Variants in ZNF875 observed in about 807,000 individuals in gnomAD.
The protein encoded by ZNF875 is HKR1, GLI-Kruppel zinc finger family member.
ZNF875 carries 14 observed loss-of-function variants against 11.2 expected under a neutral mutation model. The ratio of observed to expected loss-of-function variants is 1.26; its 90% CI spans 0.83 to 1.96. ZNF875 has a LOEUF of 1.96. Ranked by LOEUF, ZNF875 falls within the 30% of genes most tolerant of loss-of-function variation. The pLI, the probability that ZNF875 is intolerant of heterozygous loss-of-function variation, is 0.00. For synonymous variants in ZNF875, 301 were observed against 281.1 expected (o/e 1.07, Z -0.71); for missense variants, 752 against 760.4 (o/e 0.99, Z 0.13).
intron 2 of ZNF875, among the ~76,000 whole-genome samples, chr19:37,338,296 T>C (rs1318040556): frequency 6.6e-6 from 1 of 152,178 alleles, no homozygotes; most frequent in African/African-American, 2.4e-5. Context: ...CTAATTTTTA[T>C]GTTTTTAGTA....
At position 37,347,784 on chromosome 19, in the gene ZNF875, A is replaced by G. The variant is rs746882660; in HGVS notation, c.168A>G (p.Pro56=). The change falls in exon 4 of 5, where the codon CCA becomes CCG. Residue 56 remains proline, a synonymous_variant. Coordinates refer to ENST00000392153, the MANE Select transcript of ZNF875 (RefSeq NM_001353803.2). ...TTTCTTCCCTATGAACAGAAATTCCATCTTCTAAACCAAAACTCATTGCTC... is the reference window on the plus strand; with the variant it reads ...TTTCTTCCCTATGAACAGAAATTCCGTCTTCTAAACCAAAACTCATTGCTC... ...TYNHLVSLEI[P]SSKPKLIAQL... 8.1e-6 allele frequency: 13 copies of G among 1,610,794 alleles called. No individual in the cohort carries two copies. In the Admixed American group the frequency reaches 1.0e-4, roughly 12 times the overall value.
At chr19:37,347,899 G>A (rs372874887) in intron 4 of ZNF875, 27 bp downstream of exon 4, 38 of 1,310,400 alleles carry the variant, frequency 2.9e-5, no homozygotes, top group Non-Finnish European at 4.0e-5. Flanking sequence ...GGGTAGACGG[G>A]ATAATCCACA....
intron 3 of ZNF875, 175 bp from the exon 4 acceptor site, chr19:37,347,602 T>C (rs2037056832): frequency 1.6e-6 from 1 of 615,136 alleles, no homozygotes; most frequent in Non-Finnish European, 2.9e-6. Flanking sequence ...GTTCATAATA[T>C]GCCATCTTTC....
chr19:37,326,663 G>GTT (rs1568566906), intron 4 of ZNF875, among the ~76,000 whole-genome samples: 1 of 110,890 alleles, frequency 9.0e-6, no homozygotes, highest in Admixed American at 1.0e-4. Context: ...AAATTAGAAA[G>GTT]CTTTTTTTTT....
chr19:37,337,468 T>A (rs1241457556), intron 2 of ZNF875: 1 of 152,216 alleles, frequency 6.6e-6, no homozygotes, highest in Non-Finnish European at 1.5e-5. Flanking sequence ...GTTCTTCTTT[T>A]TTTTGAAACG....
At chr19:37,360,574 CCCTA>C (rs1265153520) in intron 4 of ZNF875, among the ~76,000 whole-genome samples, 4 of 152,250 alleles carry the variant, frequency 2.6e-5, no homozygotes, top group African/African-American at 9.6e-5. Flanking sequence ...ATGACTGTCT[CCCTA>C]TTTATTTGGA....
chr19:37,341,596 AGTC>A (rs766401718), intron 2 of ZNF875, among the ~76,000 whole-genome samples: 28 of 152,164 alleles, frequency 1.8e-4, no homozygotes, highest in Non-Finnish European at 3.1e-4. Context: ...CCAAGTCCAG[AGTC>A]GTCATAGAAC....
intron 2 of ZNF875, chr19:37,337,671 C>G (rs2034776884): frequency 6.6e-6 from 1 of 152,168 alleles, no homozygotes; most frequent in East Asian, 1.9e-4. Context: ...TCTTGAACTC[C>G]TGACCTGGTG....
chr19:37,352,007 G>A (rs374572837), intron 4 of ZNF875, among the ~76,000 whole-genome samples: 5 of 152,296 alleles, frequency 3.3e-5, no homozygotes, highest in African/African-American at 1.2e-4. Context: ...GCAAAGGTGT[G>A]TTAACATATC....
upstream of ZNF875, among the ~76,000 whole-genome samples, chr19:37,331,108 A>C: frequency 6.9e-6 from 1 of 143,996 alleles, no homozygotes; most frequent in East Asian, 2.2e-4. Flanking sequence ...AATGGCGTGA[A>C]CCTGGGAGGC....
chr19:37,353,127 G>C (rs2038230655), intron 4 of ZNF875, among the ~76,000 whole-genome samples: 1 of 152,122 alleles, frequency 6.6e-6, no homozygotes, highest in South Asian at 2.1e-4. Context: ...GCCTGCCTCA[G>C]CCTCCCAAAG....
chr19:37,321,078 T>A (rs1385879877), intron 1 of ZNF875, among the ~76,000 whole-genome samples: 1 of 152,116 alleles, frequency 6.6e-6, no homozygotes, highest in East Asian at 1.9e-4. Flanking sequence ...CACAAAACAC[T>A]GTGTAAGGCC....
chr19:37,361,853 GT>G (rs1445282713), intron 4 of ZNF875: 2 of 390,634 alleles, frequency 5.1e-6, no homozygotes, highest in Non-Finnish European at 4.6e-6. Flanking sequence ...GGAGGCGGAG[GT>G]TGCAGTGAGC....
intron 4 of ZNF875, chr19:37,359,481 G>A (rs2039536620): frequency 1.7e-5 from 5 of 293,078 alleles, no homozygotes; most frequent in Non-Finnish European, 2.8e-5. Flanking sequence ...TCGGCTCACT[G>A]CAACCTCTGC....
In ZNF875 at chr19:37,363,483, G is replaced by C; in HGVS notation, c.1631G>C (p.Arg544Pro). ...TGCAGGGAGTGTGGCAGAAGGTTTCGGCAGAAGCCTAACCTGTTTAGGCAC... is the reference window on the plus strand; with the variant it reads ...TGCAGGGAGTGTGGCAGAAGGTTTCCGCAGAAGCCTAACCTGTTTAGGCAC... ...FMCRECGRRF[R>P]QKPNLFRHKR... is the part of the protein sequence containing the mutation. The change falls in exon 5 of 5, where the codon CGG becomes CCG. Residue 544 changes from arginine (R) to proline (P), a missense_variant. By Grantham distance (103) the Arg-to-Pro change is moderately radical. Transcript: ENST00000392153. 1.2e-6 allele frequency: 2 copies of C among 1,613,562 alleles called. No homozygotes were observed. Among genetic ancestry groups the C allele is most frequent in the South Asian group, 1.1e-5 (1 of 91,036 alleles).
At position 37,362,449 on chromosome 19, in the gene ZNF875, G is replaced by T. The variant is rs1257599573; in HGVS notation, c.597G>T (p.Gly199=). 6.2e-7 allele frequency: 1 copy of T among 1,614,170 alleles called. No homozygotes were observed. ...AAGACAACACAGTGGTGGATATAGG[G>T]TCCAGCCCTGAACGGAGGGCAGATC... ...SKEDNTVVDI[G]SSPERRADLE... is the part of the protein sequence containing the mutation. The change falls in exon 5 of 5, where the codon GGG becomes GGT. Residue 199 remains glycine, a synonymous_variant. Coordinates refer to ENST00000392153, the MANE Select transcript of ZNF875 (RefSeq NM_001353803.2).
At chr19:37,336,361 G>T (rs570143201) in intron 2 of ZNF875, among the ~76,000 whole-genome samples, 1 of 148,270 alleles carries the variant, frequency 6.7e-6, no homozygotes, top group African/African-American at 2.5e-5. Flanking sequence ...GTGCAGTGGC[G>T]CCATCTCGGC....
chr19:37,336,208 G>A (rs2034366575), intron 2 of ZNF875, among the ~76,000 whole-genome samples: 1 of 152,052 alleles, frequency 6.6e-6, no homozygotes, highest in Non-Finnish European at 1.5e-5. Flanking sequence ...GCATTCCAGT[G>A]GGAGGCGGCA....
chr19:37,315,111 T>C (rs2030127966), upstream of ZNF875: 1 of 152,218 alleles, frequency 6.6e-6, no homozygotes, highest in African/African-American at 2.4e-5. Context: ...TTTTGGATAT[T>C]TTATTTAAAT....
Sources: allele counts gnomAD v4.1 joint callset (sites outside exome capture counted in the v4.1 genomes callset), GRCh38; gene constraint gnomAD v4.1.1; transcripts MANE v1.5; gene names NCBI Gene and HGNC (gene_info 2026-07-23, HGNC 2026-07-21).